Variants in PIP4K2A observed in about 807,000 individuals in gnomAD.
PIP4K2A encodes phosphatidylinositol-5-phosphate 4-kinase type 2 alpha.
PIP4K2A carries 14 observed loss-of-function variants against 42.9 expected under a neutral mutation model. The ratio of observed to expected loss-of-function variants is 0.33; its 90% CI spans 0.22 to 0.51. The LOEUF (loss-of-function observed/expected upper bound fraction) is 0.51. PIP4K2A is among the 20% of genes least tolerant of loss of function. PIP4K2A has a pLI of 0.97. For missense variants in PIP4K2A, 434 were observed against 519.8 expected, an observed-to-expected ratio of 0.83 and a Z score of 1.61; for synonymous variants, 192 against 192.2, an observed-to-expected ratio of 1.00 and a Z score of 0.01.
chr10:22,539,920 A>AGAGAGG lies in PIP4K2A; in HGVS notation c.1140+50_1140+51insCCTCTC, dbSNP rs1554792188. ...GAGAGAGAGAGAGAGAGGGAGAGAG[A>AGAGAGG]GAGAGAGAGAGGGAGAGAAAGAGAG... is the stretch of plus-strand genomic sequence containing the variant. On this transcript the variant is annotated intron_variant, in intron 9 of 9. Coordinates refer to ENST00000376573, the MANE Select transcript of PIP4K2A (RefSeq NM_005028.5). 46 of 970,288 alleles carry AGAGAGG rather than the reference A, an allele frequency of 4.7e-5. No individual in the cohort carries two copies. In the African/African-American group the frequency reaches 6.8e-4, roughly 14 times the overall value. The allele number at this position is 970,288 out of a possible 1,614,324, so 60.1% of individuals were successfully genotyped here.
intron 1 of PIP4K2A, among the ~76,000 whole-genome samples, chr10:22,648,025 G>A (rs1838918038): frequency 6.6e-6 from 1 of 152,074 alleles, no homozygotes; most frequent in Admixed American, 6.5e-5. Flanking sequence ...CCTTTCCTAC[G>A]TCTACCCATT....
chr10:22,654,469 C>T (rs1839056312), intron 1 of PIP4K2A, among the ~76,000 whole-genome samples: 2 of 152,136 alleles, frequency 1.3e-5, no homozygotes, highest in African/African-American at 2.4e-5. Flanking sequence ...TTAGTAACAA[C>T]GACATCTGTG....
intron 1 of PIP4K2A, among the ~76,000 whole-genome samples, chr10:22,663,551 A>G (rs1183985340): frequency 1.3e-5 from 2 of 152,186 alleles, no homozygotes; most frequent in Non-Finnish European, 2.9e-5. Flanking sequence ...TGTAGGTAGC[A>G]TATTTCATTA....
intron 2 of PIP4K2A, among the ~76,000 whole-genome samples, chr10:22,608,277 T>C (rs1683464603): frequency 6.6e-6 from 1 of 152,090 alleles, no homozygotes; most frequent in African/African-American, 2.4e-5. Flanking sequence ...GGCCACACAC[T>C]GCAGCCATTC....
At chr10:22,683,974 A>G (rs973910432) in intron 1 of PIP4K2A, among the ~76,000 whole-genome samples, 4 of 152,090 alleles carry the variant, frequency 2.6e-5, no homozygotes, top group African/African-American at 9.7e-5. Flanking sequence ...AATAAGCACC[A>G]CATCGGCCAA....
chr10:22,556,066 T>C (rs1836536107), intron 6 of PIP4K2A, among the ~76,000 whole-genome samples: 1 of 152,230 alleles, frequency 6.6e-6, no homozygotes, highest in African/African-American at 2.4e-5. Flanking sequence ...ATCTGCTAGT[T>C]ACAAACATGT....
intron 1 of PIP4K2A, among the ~76,000 whole-genome samples, chr10:22,646,055 A>T (rs1564454062): frequency 6.6e-6 from 1 of 152,228 alleles, no homozygotes; most frequent in East Asian, 1.9e-4. Context: ...AACCATTTTT[A>T]ATTTCATGAT....
intron 1 of PIP4K2A, among the ~76,000 whole-genome samples, chr10:22,642,760 A>G (rs1290770703): frequency 6.6e-6 from 1 of 152,078 alleles, no homozygotes; most frequent in Non-Finnish European, 1.5e-5. Flanking sequence ...AGGGCTTGGA[A>G]AAGACCAACA....
intron 1 of PIP4K2A, among the ~76,000 whole-genome samples, chr10:22,698,795 T>C (rs978156134): frequency 7.9e-5 from 12 of 152,262 alleles, no homozygotes; most frequent in Non-Finnish European, 1.2e-4. Flanking sequence ...CACTGGTTGC[T>C]TGATAGAATG....
chr10:22,554,299 G>C (rs1190620551), intron 6 of PIP4K2A, among the ~76,000 whole-genome samples: 2 of 152,040 alleles, frequency 1.3e-5, no homozygotes, highest in Non-Finnish European at 2.9e-5. Context: ...TTTAAATGTG[G>C]AAAACTATAC....
chr10:22,669,008 A>G (rs1167755325), intron 1 of PIP4K2A, among the ~76,000 whole-genome samples: 1 of 152,030 alleles, frequency 6.6e-6, no homozygotes, highest in Admixed American at 6.5e-5. Context: ...TTTTGTTGCT[A>G]GTTGATAATT....
chr10:22,588,702 C>T (rs559308030), intron 4 of PIP4K2A, among the ~76,000 whole-genome samples: 13 of 152,294 alleles, frequency 8.5e-5, no homozygotes, highest in African/African-American at 2.9e-4. Context: ...GAGGCAGTTC[C>T]TAACAGGTTA....
chr10:22,665,782 A>G (rs1260400068), intron 1 of PIP4K2A, among the ~76,000 whole-genome samples: 1 of 151,810 alleles, frequency 6.6e-6, no homozygotes, highest in Non-Finnish European at 1.5e-5. Context: ...GCAATATACT[A>G]TGATGCTATA....
chr10:22,591,653 G>A lies in PIP4K2A; in HGVS notation c.468C>T (p.His156=), dbSNP rs1239636965. 7 of 1,609,488 alleles carry A rather than the reference G, an allele frequency of 4.3e-6. No homozygotes were observed. In the South Asian group the frequency reaches 7.8e-5, roughly 18 times the overall value. ...TITSEDVAEM[H]NILKKYHQYI... is the part of the protein sequence containing the mutation. ...CCTGGTGGTATTTCTTCAGGATGTT[G>A]TGCATTTCGGCCACGTCTTCACTGG... Residue 156 remains histidine (H), a synonymous_variant, in exon 4 of 10, where the codon CAC becomes CAT. Coordinates refer to ENST00000376573, the MANE Select transcript of PIP4K2A (RefSeq NM_005028.5).
intron 1 of PIP4K2A, among the ~76,000 whole-genome samples, chr10:22,713,140 C>G (rs1240196456): frequency 6.6e-6 from 1 of 152,198 alleles, no homozygotes; most frequent in Non-Finnish European, 1.5e-5. Context: ...GCCAACAGCT[C>G]CGATCATGTT....
intron 6 of PIP4K2A, among the ~76,000 whole-genome samples, chr10:22,558,909 C>T (rs12261661): frequency 0.038 from 5,827 of 152,186 alleles, 343 homozygotes; most frequent in African/African-American, 0.13. Flanking sequence ...CAAGCTAATA[C>T]GTAAAAAGTA....
chr10:22,616,190 G>A (rs1004784046), intron 1 of PIP4K2A, among the ~76,000 whole-genome samples: 6 of 152,190 alleles, frequency 3.9e-5, no homozygotes, highest in Admixed American at 3.3e-4. Flanking sequence ...TGGGGGCAGG[G>A]GAGAGAGCAG....
intron 4 of PIP4K2A, among the ~76,000 whole-genome samples, chr10:22,582,406 T>C (rs1158882557): frequency 6.6e-6 from 1 of 152,112 alleles, no homozygotes; most frequent in African/African-American, 2.4e-5. Context: ...GACTGAAGGT[T>C]GAAGCAGAAA....
intron 1 of PIP4K2A, among the ~76,000 whole-genome samples, chr10:22,632,065 C>G (rs1343300351): frequency 6.6e-6 from 1 of 151,550 alleles, no homozygotes; most frequent in African/African-American, 2.4e-5. Flanking sequence ...TCGGTGAGAG[C>G]CATTCTACAA....
Sources: gnomAD v4.1 joint callset for allele counts (sites outside exome capture counted in the v4.1 genomes callset) on GRCh38, gnomAD v4.1.1 for gene constraint, MANE v1.5 for transcripts, NCBI Gene and HGNC (gene_info 2026-07-23, HGNC 2026-07-21) for gene names.